The following ZC3H8 variants were observed in gnomAD, a reference collection of about 807,000 sequenced individuals.
The protein encoded by ZC3H8 is zinc finger CCCH domain-containing protein 8.
A neutral mutation model predicts 42.5 loss-of-function variants in ZC3H8; 27 were observed. The ratio of observed to expected loss-of-function variants is 0.64; its 90% confidence interval spans 0.47 to 0.88. ZC3H8 has a LOEUF of 0.88. ZC3H8 is among the 40% of genes least tolerant of loss of function. The pLI, the probability that ZC3H8 is intolerant of heterozygous loss-of-function variation, is 0.00. For missense variants in ZC3H8, 277 were observed against 336.1 expected (o/e 0.82, Z 1.37); for synonymous variants, 101 against 110.1 (o/e 0.92, Z 0.52).
intron 7 of ZC3H8, 27 bp downstream of exon 7, chr2:112,231,811 C>T (rs778735347): frequency 1.4e-6 from 2 of 1,428,690 alleles, no homozygotes; most frequent in Non-Finnish European, 1.9e-6. Flanking sequence ...AAAGAAAAAA[C>T]AAAAGATTAT....
chr2:112,240,016 A>G (rs1014379504), intron 2 of ZC3H8, among the ~76,000 whole-genome samples: 3 of 152,044 alleles, frequency 2.0e-5, no homozygotes, highest in Non-Finnish European at 2.9e-5. Flanking sequence ...TGATCTGACA[A>G]TGGCCTCAAT....
At chr2:112,225,528 C>G (rs1277152889) in intron 8 of ZC3H8, among the ~76,000 whole-genome samples, 1 of 152,150 alleles carries the variant, frequency 6.6e-6, no homozygotes, top group Non-Finnish European at 1.5e-5. Context: ...CTCAATGTCA[C>G]AAAGCTGGCC....
In ZC3H8 at chr2:112,214,376, G is replaced by C. The variant is rs1257570861; in HGVS notation, c.*2108C>G. The C allele has an allele frequency of 1.3e-5, 2 of 152,124 alleles. No individual in the cohort carries two copies. Among genetic ancestry groups the C allele is most frequent in the African/African-American group, 4.8e-5 (2 of 41,408 alleles). 9.4% of individuals were successfully genotyped at this position (152,124 alleles called of 1,614,324 possible). On this transcript the variant is annotated 3_prime_UTR_variant, in exon 9 of 9. Coordinates refer to ENST00000409573, the MANE Select transcript of ZC3H8 (RefSeq NM_032494.3). ...GACGGTCAAGGATAAATTCAATAGA[G>C]CCATGATAACCATGCTGGCCAAATA... is the stretch of plus-strand genomic sequence containing the variant.
rs899691531 is a variant in ZC3H8 at position 112,214,701 on chromosome 2, T to G, written c.*1783A>C. 3 of 151,984 alleles carry G rather than the reference T, an allele frequency of 2.0e-5. No individual in the cohort carries two copies. The highest frequency in any genetic ancestry group is 4.4e-5 in the Non-Finnish European group (3 of 68,046). The allele number at this position is 151,984 out of a possible 1,614,324, so 9.4% of individuals were successfully genotyped here. On this transcript the variant is annotated 3_prime_UTR_variant, in exon 9 of 9. Coordinates refer to ENST00000409573, the MANE Select transcript of ZC3H8 (RefSeq NM_032494.3). ...TGAAGCAGTATACTCGGAAATCTGC[T>G]CTGAGGAACCAGAGCAAACTGTACA...
chr2:112,240,548 C>A (rs1013387272), intron 2 of ZC3H8: 4 of 152,152 alleles, frequency 2.6e-5, no homozygotes, highest in African/African-American at 9.7e-5. Context: ...TCTGTCTGCA[C>A]AAAACACATA....
At chr2:112,224,175 G>C (rs531116339) in intron 8 of ZC3H8, among the ~76,000 whole-genome samples, 2 of 152,198 alleles carry the variant, frequency 1.3e-5, no homozygotes, top group East Asian at 3.9e-4. Flanking sequence ...TAATATTAAT[G>C]ATATTTGAAA....
intron 1 of ZC3H8, chr2:112,253,979 T>C (rs1686041965): frequency 3.5e-6 from 1 of 284,656 alleles, no homozygotes; most frequent in South Asian, 1.4e-4. Context: ...CACTGTGCAA[T>C]CTCGGCAGGT....
intron 8 of ZC3H8, among the ~76,000 whole-genome samples, chr2:112,223,981 A>C (rs1416602311): frequency 1.3e-5 from 2 of 152,098 alleles, no homozygotes; most frequent in Non-Finnish European, 2.9e-5. Flanking sequence ...CATCTCAACT[A>C]AAAATACAAA....
rs549442154 is a variant in ZC3H8 at position 112,224,490 on chromosome 2, C to T, written c.*15+6413G>A. 5.3e-5 allele frequency among the ~76,000 whole-genome samples: 8 copies of T among 152,268 alleles called. 1 individual carries two copies. Among genetic ancestry groups the T allele is most frequent in the Admixed American group, 5.2e-4 (8 of 15,294 alleles). On this transcript the variant is annotated intron_variant, in intron 8 of 8. Transcript: ENST00000409573. ...AATATTAATAGCAGTCTCTTTAAAA[C>T]CCAGGACAAAAATACACTATCATTG...
intron 2 of ZC3H8, 37 bp downstream of exon 2, chr2:112,250,154 G>T (rs1685897425): frequency 1.4e-6 from 2 of 1,453,188 alleles, no homozygotes; most frequent in East Asian, 2.5e-5. Flanking sequence ...AAAAAAATCT[G>T]CGTTTTCAAC....
In ZC3H8 at chr2:112,254,950, G is replaced by C. The variant is rs752252866; in HGVS notation, c.32C>G (p.Pro11Arg). 3.1e-6 allele frequency: 5 copies of C among 1,613,036 alleles called. No individual in the cohort carries two copies. Among genetic ancestry groups the C allele is most frequent in the African/African-American group, 1.3e-5 (1 of 74,922 alleles). MDFENLFSKP[P>R]NPALGKTATD... ...GGCCGTTTTGCCGAGGGCCGGGTTG[G>C]GGGGTTTTGAGAAAAGATTCTCAAA... Residue 11 changes from proline (P) to arginine (R), a missense_variant, in exon 1 of 9, where the codon CCC (proline) becomes CGC (arginine). Pro to Arg is a moderately radical substitution (Grantham distance 103, BLOSUM62 -2). Transcript: ENST00000409573.
At position 112,243,579 on chromosome 2, in the gene ZC3H8, AAAG is replaced by A. The variant is rs561743093; in HGVS notation, c.157-5054_157-5052del. ...CCAATTAAGCAAATAATTACCTCAC[AAAG>A]AAGAATCCCATTCTTCTCATTAGAA... is the stretch of plus-strand genomic sequence containing the variant. On this transcript the variant is annotated intron_variant, in intron 2 of 8. Transcript: ENST00000409573. 5.3e-3 allele frequency among the ~76,000 whole-genome samples: 772 copies of A among 146,722 alleles called. 5 individuals are homozygous for A. Among genetic ancestry groups the A allele is most frequent in the Non-Finnish European group, 8.4e-3 (569 of 67,988 alleles).
chr2:112,250,060 G>A, intron 2 of ZC3H8, 131 bp downstream of exon 2: 1 of 569,154 alleles, frequency 1.8e-6, no homozygotes, highest in South Asian at 3.7e-5. Context: ...CTGGTAAAAT[G>A]AGACAAGTAG....
Position 112,231,936 on chromosome 2 carries a change from A to G in ZC3H8, c.745T>C (p.Cys249Arg), listed in dbSNP as rs1685110950. Reference protein sequence around the residue: ...NCLYLHNEYPCKFYHTGTKCY... With the variant: ...NCLYLHNEYPRKFYHTGTKCY... ...TTTGTTCCTGTATGGTAAAACTTAC[A>G]AGGATATTCATGTAACCCAAGTGTT... Residue 249 changes from cysteine (C) to arginine (R), a missense_variant, in exon 7 of 9, where the codon TGT (cysteine) becomes CGT (arginine). Coordinates refer to ENST00000409573, the MANE Select transcript of ZC3H8 (RefSeq NM_032494.3). 1.3e-6 allele frequency: 2 copies of G among 1,559,172 alleles called. No individual in the cohort carries two copies. The highest frequency in any genetic ancestry group is 1.4e-5 in the African/African-American group (1 of 73,540).
At chr2:112,236,142 T>C (rs867353920) in intron 4 of ZC3H8, among the ~76,000 whole-genome samples, 8 of 152,140 alleles carry the variant, frequency 5.3e-5, no homozygotes, top group African/African-American at 1.9e-4. Context: ...CGGGCGCCTG[T>C]AGTCCCAGCT....
At chr2:112,233,615 T>G (rs962822453) in intron 5 of ZC3H8, among the ~76,000 whole-genome samples, 1 of 152,188 alleles carries the variant, frequency 6.6e-6, no homozygotes, top group African/African-American at 2.4e-5. Flanking sequence ...ACGCCTGTAA[T>G]CCCAGCACTT....
At chr2:112,246,869 AAT>A (rs1381578050) in intron 2 of ZC3H8, among the ~76,000 whole-genome samples, 1 of 152,188 alleles carries the variant, frequency 6.6e-6, no homozygotes, top group African/African-American at 2.4e-5. Context: ...ACTACAGAGA[AAT>A]ATTTTGTAAA....
Position 112,236,681 on chromosome 2 carries a change from T to A in ZC3H8, c.385A>T (p.Asn129Tyr). 6.2e-7 allele frequency: 1 copy of A among 1,610,072 alleles called. No homozygotes were observed. Among genetic ancestry groups the A allele is most frequent in the Non-Finnish European group, 8.5e-7 (1 of 1,178,572 alleles). ...TTGTGACCAGCTTTAAGATTTTTAT[T>A]TTTTTGTTTAGCAGCTAAAAACAAA... is the stretch of plus-strand genomic sequence containing the variant. Reference protein sequence around the residue: ...KDTPQAAKQKNKNLKAGHKNG... With the variant: ...KDTPQAAKQKYKNLKAGHKNG... The change falls in exon 4 of 9, where the codon AAT (asparagine) becomes TAT (tyrosine). Residue 129 changes from asparagine (N) to tyrosine (Y), a missense_variant. Coordinates refer to ENST00000409573, the MANE Select transcript of ZC3H8 (RefSeq NM_032494.3).
chr2:112,246,126 TACTG>T lies in ZC3H8; in HGVS notation c.156+4061_156+4064del, dbSNP rs569688896. On this transcript the variant is annotated intron_variant, in intron 2 of 8. Coordinates refer to ENST00000409573, the MANE Select transcript of ZC3H8 (RefSeq NM_032494.3). Reference sequence around the variant, plus strand: ...CAGTATATCTGTTTACAGCATGGTTTACTGACTATTTTAAGCCCACTGTTGAGAC... The same window carrying T: ...CAGTATATCTGTTTACAGCATGGTTTACTATTTTAAGCCCACTGTTGAGAC... Among the ~76,000 whole-genome samples the T allele has an allele frequency of 8.5e-5, 13 of 152,332 alleles. No individual in the cohort carries two copies. In the East Asian group the frequency reaches 2.1e-3, roughly 25 times the overall value.
Sources: gnomAD v4.1 joint callset for allele counts (sites outside exome capture counted in the v4.1 genomes callset) on GRCh38, gnomAD v4.1.1 for gene constraint, MANE v1.5 for transcripts, NCBI Gene and HGNC (gene_info 2026-07-23, HGNC 2026-07-21) for gene names.